CSMD3: variants seen among roughly 807,000 people sequenced by gnomAD.
The protein encoded by CSMD3 is CUB and sushi domain-containing protein 3.
Under a neutral mutation model 435.2 loss-of-function variants are expected in CSMD3, and 177 were observed. That is an observed-to-expected ratio of 0.41 (90% CI 0.36 to 0.46). CSMD3 has a LOEUF of 0.46. Among genes scored for constraint, CSMD3 ranks in the 20% least tolerant of loss-of-function variants. The pLI is 0.34. For missense variants in CSMD3, 4,265 were observed against 4,504.6 expected, an observed-to-expected ratio of 0.95 and a Z score of 1.52; for synonymous variants, 1,656 against 1,520.5, an observed-to-expected ratio of 1.09 and a Z score of -2.07.
chr8:113,418,982 C>T (rs1048103681), intron 1 of CSMD3, among the ~76,000 whole-genome samples: 57 of 152,102 alleles, frequency 3.7e-4, no homozygotes, highest in African/African-American at 1.3e-3. Flanking sequence ...GCTTCTGCAC[C>T]TGCAAGAGAT....
intron 61 of CSMD3, among the ~76,000 whole-genome samples, chr8:112,259,402 G>C (rs1391506134): frequency 6.6e-6 from 1 of 152,034 alleles, no homozygotes; most frequent in Non-Finnish European, 1.5e-5. Context: ...AGAACACAGG[G>C]ACACAGGGAG....
intron 35 of CSMD3, among the ~76,000 whole-genome samples, chr8:112,405,246 T>TACACAC (rs1554668938): frequency 6.5e-4 from 53 of 81,514 alleles, no homozygotes; most frequent in African/African-American, 2.7e-3. Flanking sequence ...TATATATATA[T>TACACAC]ACATATATAT....
Position 112,937,352 on chromosome 8 carries a change from G to T in CSMD3, c.1508+10438C>A, listed in dbSNP as rs1277895293. On this transcript the variant is annotated intron_variant, in intron 9 of 70. Coordinates refer to ENST00000297405, the MANE Select transcript of CSMD3 (RefSeq NM_198123.2). ...TTTGTTTTTGGACCTAGGTAATAAT[G>T]TTTTTTTTTTTTTTTTGAGACAGAG... is the stretch of plus-strand genomic sequence containing the variant. Among the ~76,000 whole-genome samples, 266 of 135,268 alleles carry T rather than the reference G, an allele frequency of 2.0e-3. 1 individual carries two copies. Among genetic ancestry groups the T allele is most frequent in the African/African-American group, 6.6e-3 (241 of 36,326 alleles). The allele number at this position is 135,268 out of a possible 152,430, so 88.7% of individuals were successfully genotyped here.
At chr8:112,375,765 T>C (rs1167403319) in intron 38 of CSMD3, among the ~76,000 whole-genome samples, 1 of 152,166 alleles carries the variant, frequency 6.6e-6, no homozygotes, top group African/African-American at 2.4e-5. Flanking sequence ...TCAATTTACT[T>C]GTGGTTTATT....
intron 11 of CSMD3, among the ~76,000 whole-genome samples, chr8:112,837,974 A>C (rs2080076576): frequency 6.6e-6 from 1 of 151,822 alleles, no homozygotes. Flanking sequence ...CTTCATATAC[A>C]TTCTATACCT....
At chr8:112,227,869 C>T (rs1012106440) in intron 70 of CSMD3, among the ~76,000 whole-genome samples, 6 of 151,928 alleles carry the variant, frequency 3.9e-5, no homozygotes, top group African/African-American at 1.2e-4. Flanking sequence ...GGTGAAACCC[C>T]GTCTCTACTA....
chr8:112,521,459 T>C (rs181883363), intron 27 of CSMD3, among the ~76,000 whole-genome samples: 1 of 151,996 alleles, frequency 6.6e-6, no homozygotes, highest in Non-Finnish European at 1.5e-5. Flanking sequence ...TTTTTTGGCC[T>C]CCGATTCATC....
Position 112,685,662 on chromosome 8 carries a change from T to A in CSMD3, c.2226A>T (p.Gly742=). ...TCGTCCAGATGCAATTTAAATTATT[T>A]CCATACCCTTCTGGGTAATCAGGAG... ...VLSPDYPEGY[G]NNLNCIWTII... The change falls in exon 15 of 71, where the codon GGA becomes GGT. Residue 742 remains glycine (G), a synonymous_variant. Coordinates refer to ENST00000297405, the MANE Select transcript of CSMD3 (RefSeq NM_198123.2). 1 of 1,613,734 alleles carries A rather than the reference T, an allele frequency of 6.2e-7. No individual in the cohort carries two copies. The highest frequency in any genetic ancestry group is 8.5e-7 in the Non-Finnish European group (1 of 1,179,676).
At chr8:112,314,142 T>C (rs1056152862) in intron 48 of CSMD3, 90 bp from the exon 49 acceptor site, 5 of 981,546 alleles carry the variant, frequency 5.1e-6, no homozygotes, top group South Asian at 1.4e-5. Flanking sequence ...GTATTAAATA[T>C]GGTTAAATTG....
intron 10 of CSMD3, among the ~76,000 whole-genome samples, chr8:112,860,738 T>G (rs571999825): frequency 6.6e-6 from 1 of 151,996 alleles, no homozygotes; most frequent in South Asian, 2.1e-4. Context: ...AGTATTAAGC[T>G]CTCCTGATTA....
At chr8:112,916,747 T>C (rs2082583469) in intron 10 of CSMD3, among the ~76,000 whole-genome samples, 1 of 151,944 alleles carries the variant, frequency 6.6e-6, no homozygotes, top group African/African-American at 2.4e-5. Context: ...AGCAACTTTC[T>C]GTAGTTGCAA....
intron 64 of CSMD3, 121 bp from the exon 65 acceptor site, chr8:112,244,694 AATT>A: frequency 1.5e-6 from 1 of 677,544 alleles, no homozygotes; most frequent in Admixed American, 2.7e-5. Flanking sequence ...ATCTTAGAAT[AATT>A]ATTCTAATAA....
chr8:113,170,234 G>C (rs1018880824), intron 4 of CSMD3, among the ~76,000 whole-genome samples: 3 of 151,994 alleles, frequency 2.0e-5, no homozygotes, highest in African/African-American at 7.2e-5. Flanking sequence ...TCTTTTCTTT[G>C]GAAATGAATG....
chr8:112,586,516 C>T (rs976921009), intron 23 of CSMD3, among the ~76,000 whole-genome samples: 7 of 150,794 alleles, frequency 4.6e-5, no homozygotes, highest in African/African-American at 1.7e-4. Flanking sequence ...ATGTTTACAC[C>T]GATAGTCATT....
At chr8:113,033,570 T>A (rs552901319) in intron 5 of CSMD3, among the ~76,000 whole-genome samples, 2 of 129,516 alleles carry the variant, frequency 1.5e-5, no homozygotes, top group South Asian at 4.8e-4. Flanking sequence ...TTGATTTTGA[T>A]TTTTTTTTTT....
chr8:112,902,429 T>C (rs1189876555), intron 10 of CSMD3, among the ~76,000 whole-genome samples: 2 of 151,196 alleles, frequency 1.3e-5, no homozygotes, highest in African/African-American at 4.8e-5. Flanking sequence ...ATCTCAGCTT[T>C]ACGTTTTAAA....
At chr8:112,408,592 T>C (rs1832060954) in intron 33 of CSMD3, among the ~76,000 whole-genome samples, 179 bp from the exon 34 acceptor site, 1 of 152,088 alleles carries the variant, frequency 6.6e-6, no homozygotes, top group African/African-American at 2.4e-5. Flanking sequence ...ATTGCAATCT[T>C]TTTCTCAGAA....
At chr8:112,611,390 A>T (rs6991002) in intron 22 of CSMD3, among the ~76,000 whole-genome samples, 87,613 of 152,030 alleles carry the variant, frequency 0.58, 25,823 homozygotes, top group African/African-American at 0.69. Flanking sequence ...TCTTGGGTTT[A>T]ACCACTTTAA....
chr8:112,277,230 A>T (rs1262365341), intron 59 of CSMD3, among the ~76,000 whole-genome samples: 1 of 152,112 alleles, frequency 6.6e-6, no homozygotes, highest in Admixed American at 6.6e-5. Flanking sequence ...CAGCACCTGA[A>T]TCACCTCCTG....
Sources: gnomAD v4.1 joint callset for allele counts (sites outside exome capture counted in the v4.1 genomes callset) on GRCh38, gnomAD v4.1.1 for gene constraint, MANE v1.5 for transcripts, NCBI Gene and HGNC (gene_info 2026-07-23, HGNC 2026-07-21) for gene names.